Variants in INVS observed in about 807,000 individuals in gnomAD.
INVS encodes the protein inversion of embryo turning homolog.
Under a neutral mutation model 108.8 loss-of-function variants are expected in INVS, and 86 were observed. That is an observed-to-expected ratio of 0.79 (90% CI 0.66 to 0.95). The LOEUF is 0.95. Among genes scored for constraint, INVS ranks in the 40% least tolerant of loss-of-function variants. The pLI, the probability that INVS is intolerant of heterozygous loss-of-function variation, is 0.00. For synonymous variants in INVS, 455 were observed against 473.5 expected, an observed-to-expected ratio of 0.96 and a Z score of 0.51; for missense variants, 1,169 against 1,297.4, an observed-to-expected ratio of 0.90 and a Z score of 1.52.
intron 14 of INVS, among the ~76,000 whole-genome samples, chr9:100,294,855 A>G (rs1402313198): frequency 1.3e-5 from 2 of 152,194 alleles, no homozygotes; most frequent in Non-Finnish European, 2.9e-5. Flanking sequence ...CACTGTTCAA[A>G]CTAGTTTTAC....
rs1833654217 is a variant in INVS, at chr9:100,292,577, T to TA, written c.2320_2321insA (p.Trp774Ter). Residue 774 changes from tryptophan to a stop codon, truncating the protein, a stop_gained and frameshift_variant, in exon 14 of 17, where the codon TGG becomes TAGG. Transcript: ENST00000262457. LOFTEE classifies it high-confidence loss of function. ...AASLPPHDSHWKPSRRHDTEP... is the reference protein window; with the variant it reads ...AASLPPHDSH ...AAGCCTTCCACCGCACGATAGCCACTGGAAGCCCAGCAGGCGGCATGACAC... is the reference window on the plus strand; with the variant it reads ...AAGCCTTCCACCGCACGATAGCCACTAGGAAGCCCAGCAGGCGGCATGACAC... 2.5e-6 allele frequency: 4 copies of TA among 1,614,130 alleles called. No homozygotes were observed. The highest frequency in any genetic ancestry group is 3.4e-6 in the Non-Finnish European group (4 of 1,180,008).
At chr9:100,255,340 T>C (rs532332591) in intron 10 of INVS, among the ~76,000 whole-genome samples, 39 of 152,340 alleles carry the variant, frequency 2.6e-4, no homozygotes, top group Admixed American at 2.4e-3. Context: ...TTTCTAAATA[T>C]ACAATCATGT....
At chr9:100,165,614 A>G (rs1304480421) in intron 3 of INVS, among the ~76,000 whole-genome samples, 1 of 151,960 alleles carries the variant, frequency 6.6e-6, no homozygotes, top group Admixed American at 6.6e-5. Flanking sequence ...ATTTTTTTTC[A>G]TTTTTAATAT....
chr9:100,296,118 T>C (rs1451620248), intron 14 of INVS, among the ~76,000 whole-genome samples: 1 of 152,104 alleles, frequency 6.6e-6, no homozygotes, highest in Non-Finnish European at 1.5e-5. Flanking sequence ...CCAAATGGGA[T>C]CACTGTAAAA....
intron 12 of INVS, among the ~76,000 whole-genome samples, chr9:100,273,916 C>G (rs991681851): frequency 1.3e-5 from 2 of 152,090 alleles, no homozygotes; most frequent in Admixed American, 6.6e-5. Flanking sequence ...TCTTACTATA[C>G]AGACAAAATG....
At chr9:100,180,646 C>G (rs1738643227) in intron 3 of INVS, among the ~76,000 whole-genome samples, 2 of 152,058 alleles carry the variant, frequency 1.3e-5, no homozygotes, top group Admixed American at 6.6e-5. Context: ...AATAGCCTAG[C>G]AACCTCCAAA....
rs957522640 is a variant in INVS at position 100,297,603 on chromosome 9, T to G, written c.3017-333T>G. ...ACCCATGCACTATAGTAAATATTTG[T>G]TCAGCAGATTAACTGCTGTAAATTG... is the stretch of plus-strand genomic sequence containing the variant. On this transcript the variant is annotated intron_variant, in intron 15 of 16. Transcript: ENST00000262457. 2.6e-4 allele frequency among the ~76,000 whole-genome samples: 40 copies of G among 152,232 alleles called. 1 individual carries two copies. Among genetic ancestry groups the G allele is most frequent in the African/African-American group, 8.4e-4 (35 of 41,468 alleles).
At chr9:100,113,558 T>TTTTG (rs77147493) in intron 2 of INVS, among the ~76,000 whole-genome samples, 2,192 of 152,024 alleles carry the variant, frequency 0.014, 18 homozygotes, top group Middle Eastern at 0.034. Flanking sequence ...CTGGTGTCTT[T>TTTTG]TTTGTTTGTT....
Position 100,297,271 on chromosome 9 carries a change from A to G in INVS, c.3016+125A>G. On this transcript the variant is annotated intron_variant, in intron 15 of 16. Coordinates refer to ENST00000262457, the MANE Select transcript of INVS (RefSeq NM_014425.5). ...AGATAAATTAGGTTGGTGCAAAATT[A>G]ATTGTATTATTAAAAATGGTCAAAA... is the stretch of plus-strand genomic sequence containing the variant. The G allele has an allele frequency of 1.9e-5, 15 of 804,856 alleles. No homozygotes were observed. In the South Asian group the frequency reaches 2.2e-4, roughly 12 times the overall value. The allele number at this position is 804,856 out of a possible 1,614,324, so 49.9% of individuals were successfully genotyped here.
rs193001055 is a variant in INVS, at chr9:100,189,986, C to T, written c.274-36076C>T. Among the ~76,000 whole-genome samples the T allele has an allele frequency of 1.4e-3, 215 of 152,216 alleles. 1 individual carries two copies. The highest frequency in any genetic ancestry group is 2.5e-3 in the Non-Finnish European group (172 of 68,014). Reference sequence around the variant, plus strand: ...TTTGTTGACTTTCTGCCTGGATGATCTGTCTAGTGCTGTCAGTGGAGTGTT... The same window carrying T: ...TTTGTTGACTTTCTGCCTGGATGATTTGTCTAGTGCTGTCAGTGGAGTGTT... On this transcript the variant is annotated intron_variant, in intron 3 of 16. Transcript: ENST00000262457.
chr9:100,105,817 CTG>C (rs1022361223), intron 2 of INVS, among the ~76,000 whole-genome samples: 4 of 117,986 alleles, frequency 3.4e-5, no homozygotes, highest in African/African-American at 1.3e-4. Context: ...GATTCTATGT[CTG>C]TTATTAAAAT....
chr9:100,218,891 A>G (rs951442118), intron 3 of INVS, among the ~76,000 whole-genome samples: 2 of 152,202 alleles, frequency 1.3e-5, no homozygotes, highest in African/African-American at 2.4e-5. Flanking sequence ...AGATCTGTGT[A>G]GGAGCAGATT....
At position 100,240,056 on chromosome 9, in the gene INVS, T is replaced by A. The variant is rs1259457611; in HGVS notation, c.616-4T>A. The stretch of plus-strand genomic sequence containing the variant: ...GTCTGAAGTCTCTGGTTCCTTCAAA[T>A]CAGGATGCTGCTCCAACAGAGTCTT... On this transcript the variant is annotated splice_region_variant and splice_polypyrimidine_tract_variant and intron_variant, in intron 5 of 16. Coordinates refer to ENST00000262457, the MANE Select transcript of INVS (RefSeq NM_014425.5). 1 of 1,613,754 alleles carries A rather than the reference T, an allele frequency of 6.2e-7. No individual in the cohort carries two copies. Among genetic ancestry groups the A allele is most frequent in the East Asian group, 2.2e-5 (1 of 44,872 alleles).
chr9:100,146,027 G>A (rs1020119703), intron 3 of INVS, among the ~76,000 whole-genome samples: 1 of 152,192 alleles, frequency 6.6e-6, no homozygotes, highest in African/African-American at 2.4e-5. Context: ...GAGGTCGTAG[G>A]TGGATCTTTT....
At chr9:100,222,260 A>G (rs1202124553) in intron 3 of INVS, among the ~76,000 whole-genome samples, 1 of 152,194 alleles carries the variant, frequency 6.6e-6, no homozygotes, top group Non-Finnish European at 1.5e-5. Flanking sequence ...TCACTGTTCT[A>G]AGAACTTTTA....
intron 13 of INVS, among the ~76,000 whole-genome samples, chr9:100,287,794 G>T (rs1218970425): frequency 6.6e-6 from 1 of 152,102 alleles, no homozygotes; most frequent in African/African-American, 2.4e-5. Context: ...AAATTACCCA[G>T]TCTCAGGTAG....
At chr9:100,108,516 C>T (rs1050673169) in intron 2 of INVS, among the ~76,000 whole-genome samples, 2 of 151,988 alleles carry the variant, frequency 1.3e-5, no homozygotes, top group African/African-American at 4.8e-5. Flanking sequence ...CATATGAATG[C>T]CAGGTGGTAA....
At chr9:100,177,162 C>T (rs978080091) in intron 3 of INVS, among the ~76,000 whole-genome samples, 2 of 152,138 alleles carry the variant, frequency 1.3e-5, no homozygotes, top group African/African-American at 2.4e-5. Context: ...GCCTACACCA[C>T]CAGGGCCCTG....
chr9:100,161,388 A>AAAAAAAAAAAAC lies in INVS; in HGVS notation c.273+34843_273+34844insAAAAAAACAAAA, dbSNP rs1564138793. Among the ~76,000 whole-genome samples, 90 of 139,082 alleles carry AAAAAAAAAAAAC rather than the reference A, an allele frequency of 6.5e-4. 5 individuals are homozygous for AAAAAAAAAAAAC. Among genetic ancestry groups the AAAAAAAAAAAAC allele is most frequent in the African/African-American group, 2.6e-3 (88 of 34,064 alleles). 91.2% of individuals were successfully genotyped at this position (139,082 alleles called of 152,430 possible). On this transcript the variant is annotated intron_variant, in intron 3 of 16. Coordinates refer to ENST00000262457, the MANE Select transcript of INVS (RefSeq NM_014425.5). ...TCAAAAAAAAAAAAAAAAAAAAAAAAAAAACCTCATAAATTGAGTGTTGTG... is the reference window on the plus strand; with the variant it reads ...TCAAAAAAAAAAAAAAAAAAAAAAAAAAAAAAAAAAACAAAACCTCATAAATTGAGTGTTGTG...
Sources: allele counts gnomAD v4.1 joint callset (sites outside exome capture counted in the v4.1 genomes callset), GRCh38; gene constraint gnomAD v4.1.1; transcripts MANE v1.5; gene names NCBI Gene and HGNC (gene_info 2026-07-23, HGNC 2026-07-21).